The following PTPN4 variants were observed in gnomAD, a reference collection of about 807,000 sequenced individuals.
The protein encoded by PTPN4 is tyrosine-protein phosphatase non-receptor type 4.
In PTPN4, 49 loss-of-function variants were observed where a neutral mutation model predicts 135.5. The observed-to-expected ratio is 0.36, with a 90% CI of 0.29 to 0.46. PTPN4 has a LOEUF of 0.46. Among genes scored for constraint, PTPN4 ranks in the 20% least tolerant of loss-of-function variants. PTPN4 has a pLI of 1.00. For missense variants in PTPN4, 860 were observed against 1,101.0 expected (o/e 0.78, Z 3.10); for synonymous variants, 333 against 369.9 (o/e 0.90, Z 1.14).
At chr2:119,763,341 T>C (rs555254179) in intron 1 of PTPN4, among the ~76,000 whole-genome samples, 1 of 152,302 alleles carries the variant, frequency 6.6e-6, no homozygotes, top group East Asian at 1.9e-4. Context: ...TGTGTTTGTA[T>C]TTTTTAACAA....
chr2:119,848,851 G>A (rs78986663), intron 2 of PTPN4, among the ~76,000 whole-genome samples: 31,394 of 149,510 alleles, frequency 0.21, 3,984 homozygotes, highest in South Asian at 0.33. Context: ...CACCCACCTC[G>A]GCCTCCCAAA....
At chr2:119,892,125 T>C (rs1678249305) in intron 9 of PTPN4, among the ~76,000 whole-genome samples, 2 of 152,200 alleles carry the variant, frequency 1.3e-5, no homozygotes, top group Non-Finnish European at 2.9e-5. Context: ...TGAACAATTA[T>C]GGGTATATCA....
At chr2:119,780,139 C>G (rs1690910939) in intron 1 of PTPN4, among the ~76,000 whole-genome samples, 1 of 152,132 alleles carries the variant, frequency 6.6e-6, no homozygotes, top group Non-Finnish European at 1.5e-5. Context: ...TATTGAACAT[C>G]TGTATAATCT....
At chr2:119,768,070 C>T (rs1440819923) in intron 1 of PTPN4, among the ~76,000 whole-genome samples, 1 of 152,178 alleles carries the variant, frequency 6.6e-6, no homozygotes, top group Non-Finnish European at 1.5e-5. Flanking sequence ...AAGATTTTCT[C>T]CTTCTTCTCC....
intron 1 of PTPN4, among the ~76,000 whole-genome samples, chr2:119,786,469 G>C (rs1691049633): frequency 6.6e-6 from 1 of 152,194 alleles, no homozygotes; most frequent in Non-Finnish European, 1.5e-5. Context: ...ATTGCAGTCA[G>C]CTGTAGTGGC....
intron 1 of PTPN4, among the ~76,000 whole-genome samples, chr2:119,781,345 C>T (rs1690934635): frequency 6.6e-6 from 1 of 152,100 alleles, no homozygotes; most frequent in Admixed American, 6.5e-5. Context: ...TGAGATTAAC[C>T]AATGCCTCTA....
Position 119,762,225 on chromosome 2 carries a change from A to G in PTPN4, c.-18+1841A>G, listed in dbSNP as rs113077375. On this transcript the variant is annotated intron_variant, in intron 1 of 26. Coordinates refer to ENST00000263708, the MANE Select transcript of PTPN4 (RefSeq NM_002830.4). ...GTTGAAGGACTTTTAAAAAAAGTAT[A>G]GATCTCTCATACTCGATTTAATCAG... 3.8e-3 allele frequency among the ~76,000 whole-genome samples: 578 copies of G among 152,280 alleles called. 1 individual carries two copies. Among genetic ancestry groups the G allele is most frequent in the Non-Finnish European group, 6.6e-3 (447 of 67,960 alleles).
In PTPN4 at chr2:119,882,114, A is replaced by G; in HGVS notation, c.431A>G (p.Asn144Ser). The change falls in exon 7 of 27, where the codon AAT becomes AGT. Residue 144 changes from asparagine (N) to serine (S), a missense_variant. This residue lies in a region of PTPN4 where 684 missense variants were observed against 807.0 expected (regional missense o/e 0.85). Coordinates refer to ENST00000263708, the MANE Select transcript of PTPN4 (RefSeq NM_002830.4). ...TTTATTAGATTACCCTGTCCTTCTA[A>G]TACTGCTGCCCTTTTAGCTTCATTT... is the stretch of plus-strand genomic sequence containing the variant. ...ILTGRLPCPS[N>S]TAALLASFAV... 1 of 1,610,166 alleles carries G rather than the reference A, an allele frequency of 6.2e-7. No homozygotes were observed. Among genetic ancestry groups the G allele is most frequent in the Non-Finnish European group, 8.5e-7 (1 of 1,176,542 alleles).
At chr2:119,823,834 T>G (rs1456109269) in intron 2 of PTPN4, among the ~76,000 whole-genome samples, 1 of 152,240 alleles carries the variant, frequency 6.6e-6, no homozygotes, top group African/African-American at 2.4e-5. Context: ...CTTCCCTCGC[T>G]AGCTTAGAAA....
intron 26 of PTPN4, among the ~76,000 whole-genome samples, chr2:119,969,029 T>C (rs911720148): frequency 9.2e-5 from 14 of 152,084 alleles, no homozygotes; most frequent in African/African-American, 3.1e-4. Context: ...AATTTTTTTG[T>C]TTTTGTTTTG....
At chr2:119,973,652 C>CTTTTTTTT (rs1553481271) in intron 26 of PTPN4, among the ~76,000 whole-genome samples, 44 of 17,992 alleles carry the variant, frequency 2.4e-3, no homozygotes, top group African/African-American at 3.5e-3. Flanking sequence ...TCCTTCATTT[C>CTTTTTTTT]TTGTTTTTTT....
chr2:119,775,751 T>G (rs1464157245), intron 1 of PTPN4, among the ~76,000 whole-genome samples: 26 of 152,236 alleles, frequency 1.7e-4, no homozygotes, highest in Admixed American at 1.6e-3. Flanking sequence ...TGTGCATGAC[T>G]TCACAGGATT....
intron 10 of PTPN4, among the ~76,000 whole-genome samples, chr2:119,911,410 T>G (rs1403335079): frequency 6.6e-6 from 1 of 152,140 alleles, no homozygotes; most frequent in Non-Finnish European, 1.5e-5. Flanking sequence ...CATTTGAGCA[T>G]TTCAATAGAT....
At chr2:119,946,304 A>G (rs1310406629) in intron 16 of PTPN4, 37 bp from the exon 17 acceptor site, 1 of 1,465,392 alleles carries the variant, frequency 6.8e-7, no homozygotes. Context: ...ATTTTAAGTG[A>G]AGAAAATTAC....
chr2:119,760,414 C>G (rs764225532), intron 1 of PTPN4, 30 bp downstream of exon 1: 5 of 387,712 alleles, frequency 1.3e-5, no homozygotes, highest in African/African-American at 6.2e-5. Context: ...CCGCCGGCCT[C>G]TCGGCCCTGC....
chr2:119,814,670 C>A (rs1676961941), intron 2 of PTPN4, among the ~76,000 whole-genome samples: 1 of 152,138 alleles, frequency 6.6e-6, no homozygotes, highest in Non-Finnish European at 1.5e-5. Flanking sequence ...ACTAACTATA[C>A]CTACACTGTT....
intron 24 of PTPN4, among the ~76,000 whole-genome samples, chr2:119,964,423 CT>C (rs995857796): frequency 6.6e-6 from 1 of 152,186 alleles, no homozygotes; most frequent in African/African-American, 2.4e-5. Context: ...ACTGATTTGA[CT>C]TTGTGTTTTT....
chr2:119,974,006 G>A (rs1679577506), intron 26 of PTPN4, among the ~76,000 whole-genome samples: 1 of 151,846 alleles, frequency 6.6e-6, no homozygotes, highest in African/African-American at 2.4e-5. Flanking sequence ...TCTACTATTT[G>A]GTTAGCAAGT....
intron 5 of PTPN4, among the ~76,000 whole-genome samples, chr2:119,879,393 A>G (rs1368872323): frequency 6.6e-6 from 1 of 152,252 alleles, no homozygotes; most frequent in East Asian, 1.9e-4. Context: ...AGACCCTTTT[A>G]TAATGGAATG....
Sources: gnomAD v4.1 joint callset for allele counts (sites outside exome capture counted in the v4.1 genomes callset) on GRCh38, gnomAD v4.1.1 for gene constraint, gnomAD v4.1.1 regional missense constraint, MANE v1.5 for transcripts, NCBI Gene and HGNC (gene_info 2026-07-23, HGNC 2026-07-21) for gene names.